CWF19L1: variants seen among roughly 807,000 people sequenced by gnomAD.
CWF19L1 encodes the protein CWF19 like cell cycle control factor 1, also known as CWF19-like protein 1.
In CWF19L1, 60 loss-of-function variants were observed where a neutral mutation model predicts 69.7. The observed-to-expected ratio is 0.86, with a 90% confidence interval of 0.70 to 1.07. The LOEUF (loss-of-function observed/expected upper bound fraction) is 1.07, where lower values mean the gene tolerates loss of function less well. Ranked by LOEUF, CWF19L1 falls within the 50% of genes least tolerant of loss-of-function variation. CWF19L1 has a pLI of 0.00. For missense variants in CWF19L1, 591 were observed against 638.9 expected, an observed-to-expected ratio of 0.92 and a Z score of 0.81; for synonymous variants, 209 against 222.2, an observed-to-expected ratio of 0.94 and a Z score of 0.53.
chr10:100,260,200 C>A lies in CWF19L1; in HGVS notation c.289+18G>T. On this transcript the variant is annotated intron_variant, in intron 4 of 13. Transcript: ENST00000354105. ...AAAAACAAAAAACAAAAAAAAAATA[C>A]AACAAGTATCAGCTTACCCAGATAA... 10 of 1,493,538 alleles carry A rather than the reference C, an allele frequency of 6.7e-6. No individual in the cohort carries two copies. The highest frequency in any genetic ancestry group is 9.2e-6 in the Non-Finnish European group (10 of 1,088,320). The allele number at this position is 1,493,538 out of a possible 1,614,324, so 92.5% of individuals were successfully genotyped here.
At position 100,238,932 on chromosome 10, in the gene CWF19L1, CAAAAAAAAAAAAA is replaced by C. The variant is rs397845145; in HGVS notation, c.1045-714_1045-702del. Among the ~76,000 whole-genome samples, 152 of 68,578 alleles carry C rather than the reference CAAAAAAAAAAAAA, an allele frequency of 2.2e-3. 1 individual carries two copies. Among genetic ancestry groups the C allele is most frequent in the Admixed American group, 6.6e-3 (30 of 4,528 alleles). 45.0% of individuals were successfully genotyped at this position (68,578 alleles called of 152,430 possible). A position where few individuals can be genotyped will look rare whatever the true frequency, so the allele number is the denominator to read the frequency against. ...GGGTGACAGAGCGAGACTCCGTCTCCAAAAAAAAAAAAAAAAAAAAAATGACCCCTTTCTGCCT... is the reference window on the plus strand; with the variant it reads ...GGGTGACAGAGCGAGACTCCGTCTCCAAAAAAAAATGACCCCTTTCTGCCT... On this transcript the variant is annotated intron_variant, in intron 10 of 13. Transcript: ENST00000354105.
chr10:100,253,331 G>A, intron 6 of CWF19L1, 90 bp downstream of exon 6: 1 of 758,542 alleles, frequency 1.3e-6, no homozygotes, highest in South Asian at 1.6e-5. Context: ...GAACCAAGAT[G>A]TTATATGGTT....
At chr10:100,246,448 A>G (rs1846821323) in intron 8 of CWF19L1, among the ~76,000 whole-genome samples, 1 of 152,192 alleles carries the variant, frequency 6.6e-6, no homozygotes, top group African/African-American at 2.4e-5. Context: ...CCTACTAGCA[A>G]TCATCATAAA....
intron 4 of CWF19L1, among the ~76,000 whole-genome samples, chr10:100,256,850 C>T (rs993985671): frequency 3.9e-5 from 6 of 152,086 alleles, no homozygotes; most frequent in Admixed American, 1.3e-4. Flanking sequence ...AAAGGCAATG[C>T]GAAGAAAAAT....
intron 6 of CWF19L1, among the ~76,000 whole-genome samples, chr10:100,253,119 G>C: frequency 6.6e-6 from 1 of 152,176 alleles, no homozygotes; most frequent in African/African-American, 2.4e-5. Flanking sequence ...TCCTGGGCTC[G>C]AGCGAGCCTC....
chr10:100,259,884 C>T (rs553915841), intron 4 of CWF19L1, among the ~76,000 whole-genome samples: 7 of 152,166 alleles, frequency 4.6e-5, no homozygotes, highest in South Asian at 2.1e-4. Context: ...CAACAAATAT[C>T]GGCCAGGCGC....
At chr10:100,264,312 A>C (rs1847499548) in intron 1 of CWF19L1, among the ~76,000 whole-genome samples, 1 of 151,770 alleles carries the variant, frequency 6.6e-6, no homozygotes, top group South Asian at 2.1e-4. Context: ...TTGGGAGGCC[A>C]AGGCGAGCGG....
intron 5 of CWF19L1, among the ~76,000 whole-genome samples, chr10:100,255,220 A>G (rs1440563816): frequency 3.3e-5 from 5 of 152,212 alleles, no homozygotes; most frequent in African/African-American, 4.8e-5. Context: ...AAGATTACTC[A>G]TAAAATATTA....
chr10:100,248,317 C>T, intron 7 of CWF19L1: 1 of 1,337,156 alleles, frequency 7.5e-7, no homozygotes, highest in South Asian at 1.2e-5. Context: ...TTAGCTGTTG[C>T]AGGAGACGTG....
chr10:100,264,609 CAA>C lies in CWF19L1; in HGVS notation c.24-2548_24-2547del, dbSNP rs34568805. On this transcript the variant is annotated intron_variant, in intron 1 of 13. Transcript: ENST00000354105. ...TGTTTAGAGTACACTCCTACGTATTCAAAAAAAAAAAAAAAAAGTTGACTGTA... is the reference window on the plus strand; with the variant it reads ...TGTTTAGAGTACACTCCTACGTATTCAAAAAAAAAAAAAAAGTTGACTGTA... Among the ~76,000 whole-genome samples, 958 of 100,480 alleles carry C rather than the reference CAA, an allele frequency of 9.5e-3. 14 individuals carry two copies. The highest frequency in any genetic ancestry group is 0.028 in the African/African-American group (857 of 30,572). 65.9% of individuals were successfully genotyped at this position (100,480 alleles called of 152,430 possible).
chr10:100,236,837 T>TC lies in CWF19L1; in HGVS notation c.1374+12dup, dbSNP rs748583697. 4.4e-6 allele frequency: 7 copies of TC among 1,575,378 alleles called. No individual in the cohort carries two copies. Among genetic ancestry groups the TC allele is most frequent in the Non-Finnish European group, 1.7e-6 (2 of 1,166,026 alleles). On this transcript the variant is annotated intron_variant, in intron 12 of 13. Transcript: ENST00000354105. The stretch of plus-strand genomic sequence containing the variant: ...ATTTACTCTTCCCTGAATATCACCA[T>TC]CCCCTGTTTCACCTGCTTGATGTCA...
rs1223854420 is a variant in CWF19L1, at chr10:100,233,340, C to T, written c.1504G>A (p.Val502Ile). 3 of 1,613,670 alleles carry T rather than the reference C, an allele frequency of 1.9e-6. No individual in the cohort carries two copies. The highest frequency in any genetic ancestry group is 3.3e-5 in the Admixed American group (2 of 59,930). ...EVLASEAILN[V>I]PDKSDWRQCQ... ...TGCCTCCAGTCAGACTTATCAGGAA[C>T]ATTAAGGATGGCTTCACTGGCCAGG... is the stretch of plus-strand genomic sequence containing the variant. Residue 502 changes from valine to isoleucine, a missense_variant, in exon 14 of 14, where the codon GTT becomes ATT. By Grantham distance (29) the Val-to-Ile change is conservative. This residue lies in a region of CWF19L1 where 458 missense variants were observed against 489.3 expected (regional missense o/e 0.94). Coordinates refer to ENST00000354105, the MANE Select transcript of CWF19L1 (RefSeq NM_018294.6).
rs183831981 is a variant in CWF19L1 at position 100,240,594 on chromosome 10, C to A, written c.1045-2363G>T. Among the ~76,000 whole-genome samples, 20 of 152,206 alleles carry A rather than the reference C, an allele frequency of 1.3e-4. No homozygotes were observed. The East Asian group carries it at 3.9e-3, about 29-fold the overall frequency. On this transcript the variant is annotated intron_variant, in intron 10 of 13. Transcript: ENST00000354105. ...CAGGTTTCCTTGATTGTTGCCCAGG[C>A]CCACACCCTGAGTTAGAGTAACCTG...
At chr10:100,241,463 A>G (rs1334368897) in intron 10 of CWF19L1, among the ~76,000 whole-genome samples, 1 of 152,232 alleles carries the variant, frequency 6.6e-6, no homozygotes, top group Non-Finnish European at 1.5e-5. Context: ...GATTGTTAGG[A>G]TAAGTTGAAA....
Position 100,238,189 on chromosome 10 carries a change from C to T in CWF19L1, c.1087G>A (p.Val363Ile). 1 of 1,614,114 alleles carries T rather than the reference C, an allele frequency of 6.2e-7. No homozygotes were observed. Among genetic ancestry groups the T allele is most frequent in the Non-Finnish European group, 8.5e-7 (1 of 1,180,020 alleles). ...TAGTGTCCAATAGGCAGGATGAGGA[C>T]ATGGTCATCAGATAAGCCTCCTTTG... is the stretch of plus-strand genomic sequence containing the variant. ...LAKGGLSDDH[V>I]LILPIGHYQS... The change falls in exon 11 of 14, where the codon GTC becomes ATC. Residue 363 changes from valine to isoleucine, a missense_variant. This residue lies in a region of CWF19L1 where 458 missense variants were observed against 489.3 expected (regional missense o/e 0.94). Transcript: ENST00000354105.
In CWF19L1 at chr10:100,267,620, G is replaced by T. The variant is rs778073905; in HGVS notation, c.-27C>A. ...TGTCCGAATAGTATGGGTTGCGACTGCCACCTAAAATTGGGAATGCGAATC... is the reference window on the plus strand; with the variant it reads ...TGTCCGAATAGTATGGGTTGCGACTTCCACCTAAAATTGGGAATGCGAATC... On this transcript the variant is annotated 5_prime_UTR_variant, in exon 1 of 14. Transcript: ENST00000354105. The T allele has an allele frequency of 6.2e-7, 1 of 1,613,778 alleles. No homozygotes were observed. Among genetic ancestry groups the T allele is most frequent in the Non-Finnish European group, 8.5e-7 (1 of 1,179,942 alleles).
intron 2 of CWF19L1, among the ~76,000 whole-genome samples, chr10:100,261,409 T>C (rs1461399998): frequency 6.6e-6 from 1 of 152,226 alleles, no homozygotes; most frequent in Non-Finnish European, 1.5e-5. Flanking sequence ...AATAGATCTT[T>C]AAAGAATCCC....
At chr10:100,241,607 T>C (rs1041579312) in intron 10 of CWF19L1, among the ~76,000 whole-genome samples, 1 of 152,240 alleles carries the variant, frequency 6.6e-6, no homozygotes, top group African/African-American at 2.4e-5. Context: ...CCACAGACTA[T>C]AATTTATTTG....
At chr10:100,246,428 A>G (rs1846820738) in intron 8 of CWF19L1, among the ~76,000 whole-genome samples, 1 of 152,254 alleles carries the variant, frequency 6.6e-6, no homozygotes, top group African/African-American at 2.4e-5. Context: ...TTCAGAGTGA[A>G]TCTTATTTTC....
Sources: gnomAD v4.1 joint callset for allele counts (sites outside exome capture counted in the v4.1 genomes callset) on GRCh38, gnomAD v4.1.1 for gene constraint, gnomAD v4.1.1 regional missense constraint, MANE v1.5 for transcripts, NCBI Gene and HGNC (gene_info 2026-07-23, HGNC 2026-07-21) for gene names.